The following MCF2L2 variants were observed in gnomAD, a reference collection of about 807,000 sequenced individuals.
MCF2L2 encodes probable guanine nucleotide exchange factor MCF2L2.
A neutral mutation model predicts 150.2 loss-of-function variants in MCF2L2; 102 were observed. That is an observed-to-expected ratio of 0.68 (90% CI 0.58 to 0.80). The LOEUF (loss-of-function observed/expected upper bound fraction) is 0.80, where lower values mean the gene tolerates loss of function less well. MCF2L2 is among the 30% of genes least tolerant of loss of function. The pLI is 0.00. For synonymous variants in MCF2L2, 465 were observed against 491.3 expected (o/e 0.95, Z 0.71); for missense variants, 1,256 against 1,372.8 (o/e 0.91, Z 1.34).
intron 9 of MCF2L2, among the ~76,000 whole-genome samples, chr3:183,310,140 T>G (rs1729295082): frequency 6.7e-6 from 1 of 150,248 alleles, no homozygotes; most frequent in South Asian, 2.1e-4. Flanking sequence ...GCAGGAGGAT[T>G]GTTTGTGCTT....
chr3:183,318,775 T>G (rs1729696923), intron 6 of MCF2L2, among the ~76,000 whole-genome samples: 1 of 150,650 alleles, frequency 6.6e-6, no homozygotes. Context: ...TACAGTATAC[T>G]GTAGTCTATT....
chr3:183,183,891 A>T lies in MCF2L2; in HGVS notation c.3017-3732T>A, dbSNP rs577786637. 2.0e-5 allele frequency among the ~76,000 whole-genome samples: 3 copies of T among 152,168 alleles called. No individual in the cohort carries two copies. The South Asian group carries it at 6.2e-4, about 32-fold the overall frequency. On this transcript the variant is annotated intron_variant, in intron 27 of 29. Coordinates refer to ENST00000328913, the MANE Select transcript of MCF2L2 (RefSeq NM_015078.4). ...GGGAAAGAAACATTATAAGGATAAT[A>T]AATGGCTTTAAAAAGAAACAGAGCA... is the stretch of plus-strand genomic sequence containing the variant.
At chr3:183,389,614 T>A in intron 2 of MCF2L2, 82 bp downstream of exon 2, 2 of 1,180,704 alleles carry the variant, frequency 1.7e-6, no homozygotes, top group Non-Finnish European at 2.5e-6. Context: ...GAGTATAACA[T>A]TCCTCAAGGT....
At position 183,311,659 on chromosome 3, in the gene MCF2L2, A is replaced by G. The variant is rs1192248432; in HGVS notation, c.867T>C (p.Thr289=). The G allele has an allele frequency of 6.2e-6, 10 of 1,613,876 alleles. No homozygotes were observed. The highest frequency in any genetic ancestry group is 8.5e-6 in the Non-Finnish European group (10 of 1,179,976). The change falls in exon 8 of 30, where the codon ACT becomes ACC. Residue 289 remains threonine (T), a synonymous_variant. Transcript: ENST00000328913. ...KLNLNQLENV[T]TMERLLVQLD... Reference sequence around the variant, plus strand: ...CTTCACTCACTCACCTTTCCATGGTAGTTACATTCTCAAGTTGGTTGAGAT... The same window carrying G: ...CTTCACTCACTCACCTTTCCATGGTGGTTACATTCTCAAGTTGGTTGAGAT...
chr3:183,346,463 T>A (rs9818413), intron 3 of MCF2L2, among the ~76,000 whole-genome samples: 38,864 of 152,106 alleles, frequency 0.26, 7,170 homozygotes, highest in African/African-American at 0.52. Flanking sequence ...TCATACTGAA[T>A]GGGCAAAGCT....
In MCF2L2 at chr3:183,394,889, T is replaced by C. The variant is rs1025374450; in HGVS notation, c.77-5110A>G. 2.0e-5 allele frequency among the ~76,000 whole-genome samples: 3 copies of C among 152,304 alleles called. No homozygotes were observed. The South Asian group carries it at 6.2e-4, about 32-fold the overall frequency. The stretch of plus-strand genomic sequence containing the variant: ...ACCTCAGGGAGTGAAGCAGGTAGCA[T>C]CCTCTTGGAAAGTCGTTTCTCAATC... On this transcript the variant is annotated intron_variant, in intron 1 of 29. Transcript: ENST00000328913.
At position 183,329,204 on chromosome 3, in the gene MCF2L2, T is replaced by C. The variant is rs114140314; in HGVS notation, c.487-5853A>G. Among the ~76,000 whole-genome samples, 643 of 152,356 alleles carry C rather than the reference T, an allele frequency of 4.2e-3. 3 individuals are homozygous for C. Among genetic ancestry groups the C allele is most frequent in the African/African-American group, 0.015 (615 of 41,592 alleles). ...GAATGTTTATAGCAGCTTTATTCTT[T>C]TTTTTTCTTTGAGACAGCGTCTCGC... On this transcript the variant is annotated intron_variant, in intron 5 of 29. Coordinates refer to ENST00000328913, the MANE Select transcript of MCF2L2 (RefSeq NM_015078.4).
intron 25 of MCF2L2, among the ~76,000 whole-genome samples, chr3:183,195,803 T>C (rs549183365): frequency 6.6e-6 from 1 of 152,290 alleles, no homozygotes; most frequent in African/African-American, 2.4e-5. Context: ...ACCCTATACC[T>C]GACTCTCCCA....
chr3:183,227,224 C>T lies in MCF2L2; in HGVS notation c.2115+1073G>A, dbSNP rs1444122788. On this transcript the variant is annotated intron_variant, in intron 18 of 29. Transcript: ENST00000328913. The surrounding 1 kb of genome is among the most constrained non-coding windows in gnomAD (Gnocchi z 4.0). ...AGGGGGTCAGGATCATCTCCATGGT[C>T]GTGTCCTAGAAAGTACCTGGTGGGG... 3 of 152,110 alleles carry T rather than the reference C, an allele frequency of 2.0e-5. No homozygotes were observed. Among genetic ancestry groups the T allele is most frequent in the Non-Finnish European group, 2.9e-5 (2 of 68,046 alleles). The allele number at this position is 152,110 out of a possible 1,614,324, so 9.4% of individuals were successfully genotyped here.
At chr3:183,253,562 TG>T (rs1240649337) in intron 15 of MCF2L2, 1 of 152,310 alleles carries the variant, frequency 6.6e-6, no homozygotes, top group Non-Finnish European at 1.5e-5. Flanking sequence ...CCTAGTTTGC[TG>T]TAAGTTTCCT....
intron 13 of MCF2L2, among the ~76,000 whole-genome samples, chr3:183,289,716 A>G (rs1728013278): frequency 6.6e-6 from 1 of 152,054 alleles, no homozygotes; most frequent in Non-Finnish European, 1.5e-5. Flanking sequence ...ATTATCCGGG[A>G]ACAGTGGCAA....
At chr3:183,373,302 T>C (rs894503562) in intron 3 of MCF2L2, 4 of 152,224 alleles carry the variant, frequency 2.6e-5, no homozygotes, top group African/African-American at 9.6e-5. Context: ...ATAAGATTCA[T>C]GTGGGAAGGT....
rs1219623680 is a variant in MCF2L2 at position 183,355,620 on chromosome 3, T to TC, written c.276-13991_276-13990insG. ...CGCCACCACGCCCAGCTAATTTTTTTTTTTTTTTTTTTTTTTTTGGTATTT... is the reference window on the plus strand; with the variant it reads ...CGCCACCACGCCCAGCTAATTTTTTTCTTTTTTTTTTTTTTTTTTGGTATTT... On this transcript the variant is annotated intron_variant, in intron 3 of 29. Transcript: ENST00000328913. Among the ~76,000 whole-genome samples, 507 of 142,786 alleles carry TC rather than the reference T, an allele frequency of 3.6e-3. 2 individuals are homozygous for TC. The highest frequency in any genetic ancestry group is 0.013 in the African/African-American group (490 of 37,638). The allele number at this position is 142,786 out of a possible 152,430, so 93.7% of individuals were successfully genotyped here.
intron 1 of MCF2L2, among the ~76,000 whole-genome samples, chr3:183,411,778 T>C (rs1193326442): frequency 6.6e-6 from 1 of 152,140 alleles, no homozygotes; most frequent in Non-Finnish European, 1.5e-5. Flanking sequence ...TAACAAATGA[T>C]AGGAAGCATT....
At chr3:183,215,856 G>A in intron 22 of MCF2L2, 113 bp downstream of exon 22, 1 of 1,311,680 alleles carries the variant, frequency 7.6e-7, no homozygotes, top group Non-Finnish European at 1.0e-6. Flanking sequence ...TGTCCTCAGA[G>A]TCCAATTCCT....
chr3:183,346,333 T>C (rs1378071944), intron 3 of MCF2L2, among the ~76,000 whole-genome samples: 1 of 152,206 alleles, frequency 6.6e-6, no homozygotes, highest in African/African-American at 2.4e-5. Context: ...TCTCAATAGA[T>C]GCAGAAAAGC....
At position 183,223,394 on chromosome 3, in the gene MCF2L2, A is replaced by G. The variant is rs758978187; in HGVS notation, c.2253T>C (p.Tyr751=). The change falls in exon 20 of 30, where the codon TAT becomes TAC. Residue 751 remains tyrosine (Y), a synonymous_variant. Transcript: ENST00000328913. ...QLDHNLPLFK[Y]LKGPSQRLIK... is the part of the protein sequence containing the mutation. ...TAAGTCTCTGGCTTGGTCCTTTGAG[A>G]TACTTAAAAAGAGGGAGATTGTGAT... The G allele has an allele frequency of 6.2e-7, 1 of 1,614,204 alleles. No homozygotes were observed. Among genetic ancestry groups the G allele is most frequent in the South Asian group, 1.1e-5 (1 of 91,082 alleles).
At chr3:183,367,074 T>G (rs2086183923) in intron 3 of MCF2L2, among the ~76,000 whole-genome samples, 2 of 152,202 alleles carry the variant, frequency 1.3e-5, no homozygotes, top group South Asian at 2.1e-4. Flanking sequence ...CCCATTTTAC[T>G]TTACCATTTG....
Position 183,200,610 on chromosome 3 carries a change from A to T in MCF2L2, c.2884+5266T>A, listed in dbSNP as rs9856403. ...CTGATGGTAGTTTCTTTTGCTGCGCAGAAACTCTTTAGTTTAATTAGATCC... is the reference window on the plus strand; with the variant it reads ...CTGATGGTAGTTTCTTTTGCTGCGCTGAAACTCTTTAGTTTAATTAGATCC... On this transcript the variant is annotated intron_variant, in intron 25 of 29. Coordinates refer to ENST00000328913, the MANE Select transcript of MCF2L2 (RefSeq NM_015078.4). 2.0e-5 allele frequency among the ~76,000 whole-genome samples: 3 copies of T among 152,306 alleles called. No homozygotes were observed. In the South Asian group the frequency reaches 6.2e-4, roughly 32 times the overall value.
Sources: gnomAD v4.1 joint callset for allele counts (sites outside exome capture counted in the v4.1 genomes callset) on GRCh38, gnomAD v4.1.1 for gene constraint, Gnocchi (gnomAD v3.1) non-coding constraint, MANE v1.5 for transcripts, NCBI Gene and HGNC (gene_info 2026-07-23, HGNC 2026-07-21) for gene names.